Variants in TNFRSF1A observed in about 807,000 individuals in gnomAD.
The protein encoded by TNFRSF1A is TNF receptor superfamily member 1A, also known as tumor necrosis factor receptor superfamily member 1A.
In TNFRSF1A, 9 loss-of-function variants were observed where a neutral mutation model predicts 41.6. The observed-to-expected ratio is 0.22, with a 90% CI of 0.13 to 0.38. TNFRSF1A has a LOEUF of 0.38. TNFRSF1A is among the 10% of genes least tolerant of loss of function. The probability of loss-of-function intolerance (pLI) is 1.00; values close to 1 mark genes in which losing one functional copy is unlikely to be tolerated. For missense variants in TNFRSF1A, 463 were observed against 591.5 expected (o/e 0.78, Z 2.25); for synonymous variants, 254 against 248.6 (o/e 1.02, Z -0.21).
rs1948081360 is a variant in TNFRSF1A, at chr12:6,333,648, C to A, written c.322+89G>T. ...TGCAGTGTCCCACCAAAACACACAC[C>A]TTCCTGCCCACACCCACCAGCCTGC... On this transcript the variant is annotated intron_variant, in intron 3 of 9. Coordinates refer to ENST00000162749, the MANE Select transcript of TNFRSF1A (RefSeq NM_001065.4). The surrounding 1 kb of genome is among the most constrained non-coding windows in gnomAD (Gnocchi z 6.3). The A allele has an allele frequency of 1.9e-6, 3 of 1,567,554 alleles. No homozygotes were observed. The highest frequency in any genetic ancestry group is 1.7e-6 in the Non-Finnish European group (2 of 1,155,426).
rs1948000990 is a variant in TNFRSF1A at position 6,329,458 on chromosome 12, T to G, written c.1222A>C (p.Arg408=). The part of the protein sequence containing the change: ...EAQYSMLATW[R]RRTPRREATL... ...GCCTCGCGCCGCGGCGTGCGCCGCC[T>G]CCAGGTCGCCAGCATGCTGTATTGC... Residue 408 remains arginine, a synonymous_variant, in exon 10 of 10, where the codon AGG becomes CGG. Transcript: ENST00000162749. The G allele has an allele frequency of 6.3e-7, 1 of 1,590,586 alleles. No homozygotes were observed. The highest frequency in any genetic ancestry group is 1.1e-5 in the South Asian group (1 of 90,152).
At chr12:6,332,343 G>A (rs4149640) in intron 5 of TNFRSF1A, among the ~76,000 whole-genome samples, 5,865 of 150,474 alleles carry the variant, frequency 0.039, 360 homozygotes, top group African/African-American at 0.13. Flanking sequence ...GGAGGCTAAG[G>A]CAAGAGGATG....
At chr12:6,329,753 G>C (rs766564599) in intron 9 of TNFRSF1A, 25 bp downstream of exon 9, 1 of 1,588,878 alleles carries the variant, frequency 6.3e-7, no homozygotes, top group African/African-American at 1.3e-5. Context: ...CAGCCTCCTC[G>C]TCTCCAGCCG....
At position 6,334,073 on chromosome 12, in the gene TNFRSF1A, G is replaced by A. The variant is rs757177584; in HGVS notation, c.193+18C>T. On this transcript the variant is annotated intron_variant, in intron 2 of 9. Transcript: ENST00000162749. This position sits in a 1 kb window ranked among gnomAD's most constrained non-coding sequence, Gnocchi z 5.1. ...CACCCCAGACCTGAGGGCATTCACC[G>A]TTTCCACTTGCCCCTACCTTTGTGG... is the stretch of plus-strand genomic sequence containing the variant. 8.1e-6 allele frequency: 13 copies of A among 1,614,166 alleles called. No homozygotes were observed. In the South Asian group the frequency reaches 8.8e-5, roughly 11 times the overall value.
rs1948141385 is a variant in TNFRSF1A at position 6,337,937 on chromosome 12, G to A, written c.40-3693C>T. ...AAGCCAGTGATTCCCAAAGAGGGAG[G>A]TGAGGAGACAGCACCCCTGGTAGGA... On this transcript the variant is annotated intron_variant, in intron 1 of 9. Transcript: ENST00000162749. This position sits in a 1 kb window ranked among gnomAD's most constrained non-coding sequence, Gnocchi z 4.6. Among the ~76,000 whole-genome samples, 3 of 152,098 alleles carry A rather than the reference G, an allele frequency of 2.0e-5. No homozygotes were observed. The highest frequency in any genetic ancestry group is 7.2e-5 in the African/African-American group (3 of 41,404).
In TNFRSF1A at chr12:6,333,339, G is replaced by A. The variant is rs754329538; in HGVS notation, c.472+28C>T. 1.8e-5 allele frequency: 29 copies of A among 1,610,422 alleles called. 1 individual carries two copies. The Admixed American group carries it at 4.4e-4, about 24-fold the overall frequency. ...GGGCCAACCCCTGGGGTGGGGAGAG[G>A]GCTTGGCCTCAGGAGAGCTGCGCTC... On this transcript the variant is annotated intron_variant, in intron 4 of 9. Transcript: ENST00000162749. This position sits in a 1 kb window ranked among gnomAD's most constrained non-coding sequence, Gnocchi z 6.3.
chr12:6,335,625 A>G (rs1221392000), intron 1 of TNFRSF1A, among the ~76,000 whole-genome samples: 2 of 151,904 alleles, frequency 1.3e-5, no homozygotes, highest in African/African-American at 4.8e-5. Context: ...TTTCTACTAT[A>G]AGAGACACTT....
rs1227715865 is a variant in TNFRSF1A, at chr12:6,341,233, C to T, written c.39+543G>A. On this transcript the variant is annotated intron_variant, in intron 1 of 9. Transcript: ENST00000162749. This position sits in a 1 kb window ranked among gnomAD's most constrained non-coding sequence, Gnocchi z 4.6. ...CACCATGAGCATCCCAAACCCACCACACCAGCCCATCCCCACTCCTCAACT... is the reference window on the plus strand; with the variant it reads ...CACCATGAGCATCCCAAACCCACCATACCAGCCCATCCCCACTCCTCAACT... Among the ~76,000 whole-genome samples, 1 of 152,158 alleles carries T rather than the reference C, an allele frequency of 6.6e-6. No individual in the cohort carries two copies. The highest frequency in any genetic ancestry group is 1.5e-5 in the Non-Finnish European group (1 of 68,010).
chr12:6,334,184 G>A lies in TNFRSF1A; in HGVS notation c.100C>T (p.Leu34=). ...CTATCTCTCTTCTCCCTGTCCCCTAGGTGAGGGACCAGTCCAATAACCCCT... is the reference window on the plus strand; with the variant it reads ...CTATCTCTCTTCTCCCTGTCCCCTAAGTGAGGGACCAGTCCAATAACCCCT... ...PSGVIGLVPH[L]GDREKRDSVC... is the part of the protein sequence containing the mutation. Residue 34 remains leucine, a synonymous_variant, in exon 2 of 10, where the codon CTA becomes TTA. Coordinates refer to ENST00000162749, the MANE Select transcript of TNFRSF1A (RefSeq NM_001065.4). This position sits in a 1 kb window ranked among gnomAD's most constrained non-coding sequence, Gnocchi z 5.1. 2 of 1,614,042 alleles carry A rather than the reference G, an allele frequency of 1.2e-6. No individual in the cohort carries two copies. The highest frequency in any genetic ancestry group is 8.5e-7 in the Non-Finnish European group (1 of 1,179,926).
At chr12:6,336,885 G>A (rs1334282317) in intron 1 of TNFRSF1A, among the ~76,000 whole-genome samples, 2 of 152,220 alleles carry the variant, frequency 1.3e-5, no homozygotes, top group Non-Finnish European at 2.9e-5. Flanking sequence ...AGCCTGGCTG[G>A]TTCTGACCAG....
In TNFRSF1A at chr12:6,329,087, C is replaced by T; in HGVS notation, c.*225G>A. On this transcript the variant is annotated 3_prime_UTR_variant, in exon 10 of 10. Coordinates refer to ENST00000162749, the MANE Select transcript of TNFRSF1A (RefSeq NM_001065.4). ...GCGTCCCTCATCCTCGCAAACCACC[C>T]ACTCAGGCTCTTGAGCCCACGGCGC... The T allele has an allele frequency of 2.4e-6, 1 of 425,024 alleles. No individual in the cohort carries two copies. Among genetic ancestry groups the T allele is most frequent in the South Asian group, 1.0e-4 (1 of 10,044 alleles). 26.3% of individuals were successfully genotyped at this position (425,024 alleles called of 1,614,324 possible).
At position 6,334,004 on chromosome 12, in the gene TNFRSF1A, C is replaced by T; in HGVS notation, c.193+87G>A. 1 of 1,611,416 alleles carries T rather than the reference C, an allele frequency of 6.2e-7. No individual in the cohort carries two copies. Among genetic ancestry groups the T allele is most frequent in the Non-Finnish European group, 8.5e-7 (1 of 1,177,658 alleles). On this transcript the variant is annotated intron_variant, in intron 2 of 9. Transcript: ENST00000162749. This position sits in a 1 kb window ranked among gnomAD's most constrained non-coding sequence, Gnocchi z 5.1. ...GAAAATCCCAGCCCAGGAGAGACAG[C>T]AAAGTTAGGGAAGAACAACTGGAAG...
Position 6,339,003 on chromosome 12 carries a change from G to A in TNFRSF1A, c.39+2773C>T, listed in dbSNP as rs540584791. ...CTAGGAGAACAGCTTCTGAATAAAC[G>A]AATGAATGAATTCCTCCACCTGGAA... is the stretch of plus-strand genomic sequence containing the variant. On this transcript the variant is annotated intron_variant, in intron 1 of 9. Coordinates refer to ENST00000162749, the MANE Select transcript of TNFRSF1A (RefSeq NM_001065.4). Among the ~76,000 whole-genome samples the A allele has an allele frequency of 1.1e-4, 16 of 152,172 alleles. No homozygotes were observed. In the East Asian group the frequency reaches 2.7e-3, roughly 26 times the overall value.
chr12:6,337,159 T>G lies in TNFRSF1A; in HGVS notation c.40-2915A>C, dbSNP rs2136827186. ...TCCCTAGGAGCCAGGGCCCTCAGAC[T>G]CCCCACCACTGGGCACCACTGCTGG... On this transcript the variant is annotated intron_variant, in intron 1 of 9. Transcript: ENST00000162749. The surrounding 1 kb of genome is among the most constrained non-coding windows in gnomAD (Gnocchi z 4.6). Among the ~76,000 whole-genome samples, 1 of 152,076 alleles carries G rather than the reference T, an allele frequency of 6.6e-6. No individual in the cohort carries two copies. Among genetic ancestry groups the G allele is most frequent in the Non-Finnish European group, 1.5e-5 (1 of 67,980 alleles).
In TNFRSF1A at chr12:6,337,922, T is replaced by G. The variant is rs987812899; in HGVS notation, c.40-3678A>C. On this transcript the variant is annotated intron_variant, in intron 1 of 9. Coordinates refer to ENST00000162749, the MANE Select transcript of TNFRSF1A (RefSeq NM_001065.4). This position sits in a 1 kb window ranked among gnomAD's most constrained non-coding sequence, Gnocchi z 4.6. ...CTTCCACTCTAGTAGAAGCCAGTGA[T>G]TCCCAAAGAGGGAGGTGAGGAGACA... Among the ~76,000 whole-genome samples the G allele has an allele frequency of 9.2e-5, 14 of 152,120 alleles. No individual in the cohort carries two copies. Among genetic ancestry groups the G allele is most frequent in the Non-Finnish European group, 2.1e-4 (14 of 68,014 alleles).
At chr12:6,336,074 G>A (rs369907488) in intron 1 of TNFRSF1A, among the ~76,000 whole-genome samples, 13 of 152,292 alleles carry the variant, frequency 8.5e-5, no homozygotes, top group African/African-American at 3.1e-4. Context: ...TCCTTTCCCC[G>A]AAGAAGCCAC....
At position 6,329,802 on chromosome 12, in the gene TNFRSF1A, C is replaced by A; in HGVS notation, c.1033G>T (p.Ala345Ser). The change falls in exon 9 of 10, where the codon GCC (alanine) becomes TCC (serine). Residue 345 changes from alanine to serine, a missense_variant. This residue lies in a region of TNFRSF1A where 277 missense variants were observed against 288.8 expected (regional missense o/e 0.96). Transcript: ENST00000162749. ...CTGTCTAGGCTCTGTGGCTTGTGGG[C>A]GCTGTCCTCCCACTTCTGAAGGGGG... ...PNPLQKWEDS[A>S]HKPQSLDTDD... is the part of the protein sequence containing the mutation. 1 of 1,599,286 alleles carries A rather than the reference C, an allele frequency of 6.3e-7. No individual in the cohort carries two copies. Among genetic ancestry groups the A allele is most frequent in the Non-Finnish European group, 8.5e-7 (1 of 1,174,952 alleles).
Position 6,329,413 on chromosome 12 carries a change from G to T in TNFRSF1A, c.1267C>A (p.Arg423Ser). The change falls in exon 10 of 10, where the codon CGC becomes AGC. Residue 423 changes from arginine (R) to serine (S), a missense_variant. Physicochemically the swap from Arg to Ser is moderately radical, Grantham distance 110. Transcript: ENST00000162749. ...RREATLELLG[R>S]VLRDMDLLGC... ...AGCAGGTCCATGTCGCGGAGCACGC[G>T]TCCCAGCAGCTCCAGCGTGGCCTCG... 6.3e-7 allele frequency: 1 copy of T among 1,577,114 alleles called. No individual in the cohort carries two copies. The highest frequency in any genetic ancestry group is 8.6e-7 in the Non-Finnish European group (1 of 1,168,212).
In TNFRSF1A at chr12:6,334,548, A is replaced by G. The variant is rs138345237; in HGVS notation, c.40-304T>C. Among the ~76,000 whole-genome samples, 908 of 151,604 alleles carry G rather than the reference A, an allele frequency of 6.0e-3. 14 individuals are homozygous for G. The highest frequency in any genetic ancestry group is 0.02 in the African/African-American group (827 of 41,308). ...TAGGCAGGATCTTGCTCTGTTGTCC[A>G]GGCTGGAGTGCAGTGATGCAATCAC... On this transcript the variant is annotated intron_variant, in intron 1 of 9. Coordinates refer to ENST00000162749, the MANE Select transcript of TNFRSF1A (RefSeq NM_001065.4). The surrounding 1 kb of genome is among the most constrained non-coding windows in gnomAD (Gnocchi z 5.1).
Sources: allele counts gnomAD v4.1 joint callset (sites outside exome capture counted in the v4.1 genomes callset), GRCh38; gene constraint gnomAD v4.1.1; regional missense constraint gnomAD v4.1.1; non-coding constraint Gnocchi (gnomAD v3.1); transcripts MANE v1.5; gene names NCBI Gene and HGNC (gene_info 2026-07-23, HGNC 2026-07-21).